CSMD3: variants seen among roughly 807,000 people sequenced by gnomAD.
CSMD3 encodes CUB and Sushi multiple domains 3.
Under a neutral mutation model 435.2 loss-of-function variants are expected in CSMD3, and 177 were observed. That is an observed-to-expected ratio of 0.41 (90% confidence interval 0.36 to 0.46). The LOEUF (loss-of-function observed/expected upper bound fraction) is 0.46. CSMD3 is among the 20% of genes least tolerant of loss of function. The pLI, the probability that CSMD3 is intolerant of heterozygous loss-of-function variation, is 0.34. For missense variants in CSMD3, 4,265 were observed against 4,504.6 expected (o/e 0.95, Z 1.52); for synonymous variants, 1,656 against 1,520.5 (o/e 1.09, Z -2.07).
At chr8:112,658,070 T>C (rs2075297189) in intron 17 of CSMD3, among the ~76,000 whole-genome samples, 1 of 152,224 alleles carries the variant, frequency 6.6e-6, no homozygotes, top group Non-Finnish European at 1.5e-5. Flanking sequence ...TTACTAGTTT[T>C]ACAAAAAAGT....
intron 5 of CSMD3, among the ~76,000 whole-genome samples, chr8:113,091,989 C>G (rs1477517917): frequency 2.0e-5 from 3 of 151,738 alleles, no homozygotes; most frequent in Non-Finnish European, 1.5e-5. Context: ...GGTATCTATA[C>G]CTTATTTGTG....
At chr8:113,177,617 A>G (rs1167301254) in intron 3 of CSMD3, among the ~76,000 whole-genome samples, 2 of 152,016 alleles carry the variant, frequency 1.3e-5, no homozygotes, top group East Asian at 1.9e-4. Context: ...TTGGTTGAGC[A>G]CTTAGAGCGG....
At chr8:112,484,218 T>A (rs2130811254) in intron 31 of CSMD3, among the ~76,000 whole-genome samples, 1 of 152,236 alleles carries the variant, frequency 6.6e-6, no homozygotes, top group South Asian at 2.1e-4. Flanking sequence ...TTTAACCGAA[T>A]TTTTTTCTAA....
chr8:112,451,625 G>A (rs574030930), intron 32 of CSMD3, among the ~76,000 whole-genome samples: 15 of 151,554 alleles, frequency 9.9e-5, no homozygotes, highest in African/African-American at 3.6e-4. Flanking sequence ...TGCAACCTCC[G>A]CCTCCCGGGT....
chr8:112,667,231 A>G (rs1283499239), intron 16 of CSMD3, among the ~76,000 whole-genome samples: 2 of 152,114 alleles, frequency 1.3e-5, no homozygotes, highest in Non-Finnish European at 2.9e-5. Flanking sequence ...ATCACTTTGA[A>G]GTCAACTTTT....
chr8:112,310,363 C>G (rs1179217228), intron 50 of CSMD3: 1 of 153,250 alleles, frequency 6.5e-6, no homozygotes. Flanking sequence ...AAGTCTTAAT[C>G]AAAAACTCTA....
intron 10 of CSMD3, among the ~76,000 whole-genome samples, chr8:112,916,107 A>G (rs2082563689): frequency 6.6e-6 from 1 of 151,878 alleles, no homozygotes; most frequent in Admixed American, 6.6e-5. Flanking sequence ...TGAGTTGGAA[A>G]GAAAATGTTC....
At chr8:112,274,015 T>C (rs1007783258) in intron 59 of CSMD3, among the ~76,000 whole-genome samples, 8 of 151,538 alleles carry the variant, frequency 5.3e-5, no homozygotes, top group Non-Finnish European at 1.2e-4. Flanking sequence ...TCTTGAGGTG[T>C]TTTGCCAAAT....
chr8:113,223,660 T>C (rs1406617182), intron 3 of CSMD3, among the ~76,000 whole-genome samples: 2 of 149,412 alleles, frequency 1.3e-5, no homozygotes, highest in Non-Finnish European at 3.0e-5. Context: ...TTATTGAACA[T>C]TTAGTGTCTG....
chr8:112,492,396 G>T, intron 31 of CSMD3, 93 bp downstream of exon 31: 1 of 940,654 alleles, frequency 1.1e-6, no homozygotes, highest in Non-Finnish European at 1.7e-6. Context: ...GATTGTATGT[G>T]GAATAGTTGA....
intron 31 of CSMD3, among the ~76,000 whole-genome samples, chr8:112,491,828 C>T (rs1820728691): frequency 6.6e-6 from 1 of 152,070 alleles, no homozygotes; most frequent in South Asian, 2.1e-4. Flanking sequence ...CTGGGGAAAT[C>T]TGTCCTAGAT....
intron 32 of CSMD3, among the ~76,000 whole-genome samples, chr8:112,468,557 C>T (rs1818205761): frequency 6.6e-6 from 1 of 151,968 alleles, no homozygotes; most frequent in Non-Finnish European, 1.5e-5. Flanking sequence ...AAAATTTTCC[C>T]TCTGACAATG....
chr8:113,362,022 T>A (rs1390443824), intron 1 of CSMD3, among the ~76,000 whole-genome samples: 1 of 152,186 alleles, frequency 6.6e-6, no homozygotes, highest in Non-Finnish European at 1.5e-5. Context: ...CCATCTATAT[T>A]AATAAGTTAT....
chr8:112,470,688 A>T (rs1479494768), intron 32 of CSMD3, among the ~76,000 whole-genome samples: 1 of 76,336 alleles, frequency 1.3e-5, no homozygotes, highest in Non-Finnish European at 2.9e-5. Context: ...ATCTATAAAC[A>T]AAATGATACC....
At chr8:113,414,084 T>G (rs544918019) in intron 1 of CSMD3, among the ~76,000 whole-genome samples, 2 of 152,214 alleles carry the variant, frequency 1.3e-5, no homozygotes, top group East Asian at 3.9e-4. Context: ...GTGAGAGCAT[T>G]GCTTTGGGAA....
chr8:112,636,208 C>A (rs1339610113), intron 22 of CSMD3, among the ~76,000 whole-genome samples: 1 of 152,018 alleles, frequency 6.6e-6, no homozygotes, highest in East Asian at 1.9e-4. Flanking sequence ...TGACTTCACG[C>A]TTCCAACACT....
chr8:112,494,425 CTCTT>C (rs1387216889), intron 30 of CSMD3, among the ~76,000 whole-genome samples: 3 of 149,210 alleles, frequency 2.0e-5, no homozygotes, highest in Middle Eastern at 3.2e-3. Context: ...CTTTCTTTCT[CTCTT>C]TCTTTCTTTG....
intron 1 of CSMD3, chr8:113,377,026 G>T: frequency 1.5e-6 from 2 of 1,307,650 alleles, no homozygotes; most frequent in Non-Finnish European, 2.0e-6. Flanking sequence ...AGTGGGGTGG[G>T]GTGGGGGTGG....
chr8:112,712,629 T>C (rs1171179531), intron 13 of CSMD3, among the ~76,000 whole-genome samples: 1 of 152,108 alleles, frequency 6.6e-6, no homozygotes, highest in Non-Finnish European at 1.5e-5. Flanking sequence ...TTGGGGTATA[T>C]TCGGAATCTT....
Sources: allele counts gnomAD v4.1 joint callset (sites outside exome capture counted in the v4.1 genomes callset), GRCh38; gene constraint gnomAD v4.1.1; transcripts MANE v1.5; gene names NCBI Gene and HGNC (gene_info 2026-07-23, HGNC 2026-07-21).